The following RNF17 variants were observed in gnomAD, a reference collection of about 807,000 sequenced individuals.
RNF17 encodes ring finger protein 17, also known as spermatogenesis associated 23.
Under a neutral mutation model 200.5 loss-of-function variants are expected in RNF17, and 31 were observed. The ratio of observed to expected loss-of-function variants is 0.15; its 90% CI spans 0.12 to 0.21. The LOEUF (loss-of-function observed/expected upper bound fraction) is 0.21, where lower values mean the gene tolerates loss of function less well. RNF17 is among the 10% of genes least tolerant of loss of function. RNF17 has a pLI of 1.00. For synonymous variants in RNF17, 606 were observed against 637.8 expected (o/e 0.95, Z 0.75); for missense variants, 1,628 against 1,905.1 (o/e 0.85, Z 2.71).
chr13:24,793,230 A>G lies in RNF17; in HGVS notation c.1124A>G (p.Asn375Ser). Residue 375 changes from asparagine to serine, a missense_variant, in exon 10 of 36, where the codon AAC becomes AGC. Physicochemically the swap from Asn to Ser is conservative, Grantham distance 46. Transcript: ENST00000255324. ...ETNDVHLEAK[N>S]FQPQKDVATA... ...AATGATGTACATTTAGAAGCAAAAA[A>G]CTTCCAGCCACAGAAAGACGTTGCA... 1 of 1,614,082 alleles carries G rather than the reference A, an allele frequency of 6.2e-7. No homozygotes were observed. Among genetic ancestry groups the G allele is most frequent in the Admixed American group, 1.7e-5 (1 of 60,002 alleles).
intron 6 of RNF17, among the ~76,000 whole-genome samples, chr13:24,782,208 C>T (rs1882473655): frequency 6.6e-6 from 1 of 152,110 alleles, no homozygotes; most frequent in Non-Finnish European, 1.5e-5. Flanking sequence ...CAGGGTCTTG[C>T]TCTGTTGCCC....
chr13:24,812,171 C>T (rs1190857978), intron 15 of RNF17, among the ~76,000 whole-genome samples: 2 of 146,424 alleles, frequency 1.4e-5, no homozygotes, highest in African/African-American at 4.9e-5. Context: ...GGGCTCCACC[C>T]AGTTCGAGCT....
chr13:24,816,772 A>G (rs1187456777), intron 15 of RNF17, among the ~76,000 whole-genome samples: 1 of 152,224 alleles, frequency 6.6e-6, no homozygotes, highest in Non-Finnish European at 1.5e-5. Context: ...CAGGTCGGAC[A>G]AGAACCACGA....
At chr13:24,791,056 C>A (rs1446828714) in intron 9 of RNF17, among the ~76,000 whole-genome samples, 3 of 152,186 alleles carry the variant, frequency 2.0e-5, no homozygotes, top group Non-Finnish European at 2.9e-5. Flanking sequence ...TTCTGTTGTA[C>A]AGTATAGTTC....
At chr13:24,752,425 G>A in the RNF17 span, among the ~76,000 whole-genome samples, 3 of 152,196 alleles carry the variant, frequency 2.0e-5, no homozygotes, top group Non-Finnish European at 4.4e-5. Flanking sequence ...CCTGTCATTC[G>A]CAGCCACATG....
intron 10 of RNF17, among the ~76,000 whole-genome samples, chr13:24,795,931 G>C (rs1218762968): frequency 1.3e-5 from 2 of 152,080 alleles, no homozygotes; most frequent in Admixed American, 1.3e-4. Context: ...TTGCAGTTCA[G>C]GTTACTAAAG....
At chr13:24,818,435 T>C (rs1483294482) in intron 15 of RNF17, among the ~76,000 whole-genome samples, 1 of 152,190 alleles carries the variant, frequency 6.6e-6, no homozygotes, top group African/African-American at 2.4e-5. Flanking sequence ...TGTTTCCTTA[T>C]TGATACTCTG....
At chr13:24,823,809 A>G (rs1209995991) in intron 15 of RNF17, among the ~76,000 whole-genome samples, 4 of 152,114 alleles carry the variant, frequency 2.6e-5, no homozygotes, top group Non-Finnish European at 5.9e-5. Flanking sequence ...GGTCTATTGT[A>G]TGTTTCTACT....
chr13:24,845,160 T>C (rs1207193495), intron 22 of RNF17, 81 bp downstream of exon 22: 1 of 759,558 alleles, frequency 1.3e-6, no homozygotes, highest in South Asian at 1.8e-5. Context: ...TGCTAAGATA[T>C]TCTGAAATTT....
chr13:24,789,548 C>A, intron 8 of RNF17, 124 bp downstream of exon 8: 1 of 896,030 alleles, frequency 1.1e-6, no homozygotes, highest in Non-Finnish European at 1.8e-6. Context: ...AAGTTAGTAA[C>A]CAAATTAAGA....
In RNF17 at chr13:24,779,791, G is replaced by A. The variant is rs180804394; in HGVS notation, c.510+44G>A. On this transcript the variant is annotated intron_variant, in intron 5 of 35. Coordinates refer to ENST00000255324, the MANE Select transcript of RNF17 (RefSeq NM_031277.3). ...TAAATTCTATCATGAAGTGAAGCAT[G>A]TCCTCTTTAAGTGTGTACATTTGGA... The A allele has an allele frequency of 3.8e-4, 540 of 1,416,826 alleles. 7 individuals carry two copies. In the Admixed American group the frequency reaches 6.7e-3, roughly 18 times the overall value. The allele number at this position is 1,416,826 out of a possible 1,614,324, so 87.8% of individuals were successfully genotyped here.
At chr13:24,831,207 G>A (rs1889340086) in intron 17 of RNF17, among the ~76,000 whole-genome samples, 2 of 144,684 alleles carry the variant, frequency 1.4e-5, no homozygotes, top group Middle Eastern at 3.7e-3. Context: ...TTGGGAGGCC[G>A]AGGCGGGGGG....
chr13:24,877,326 A>G, intron 34 of RNF17, 140 bp downstream of exon 34: 1 of 614,244 alleles, frequency 1.6e-6, no homozygotes, highest in South Asian at 2.4e-5. Flanking sequence ...TTATATGTAT[A>G]GCTTTATATA....
At chr13:24,874,273 T>G in intron 33 of RNF17, 24 bp downstream of exon 33, 4 of 1,536,898 alleles carry the variant, frequency 2.6e-6, no homozygotes, top group Non-Finnish European at 3.5e-6. Flanking sequence ...GTCGGGGTGT[T>G]GAATTAGATT....
intron 35 of RNF17, 78 bp downstream of exon 35, chr13:24,879,373 T>A (rs1483318678): frequency 2.2e-6 from 2 of 918,884 alleles, no homozygotes. Flanking sequence ...AAAGCACCCG[T>A]GGATTTTCCT....
At chr13:24,882,225 T>G (rs1225639916), downstream of RNF17, 1 of 110,690 alleles carries the variant, frequency 9.0e-6, no homozygotes, top group African/African-American at 3.1e-5. Flanking sequence ...TATAGATACA[T>G]CTATATAGAT....
upstream of RNF17, among the ~76,000 whole-genome samples, chr13:24,763,006 A>G (rs967920233): frequency 6.6e-6 from 1 of 152,034 alleles, no homozygotes; most frequent in African/African-American, 2.4e-5. Context: ...CTTCCCTCAC[A>G]TCTACCTTCC....
chr13:24,883,053 CTT>C, downstream of RNF17: 6 of 885,456 alleles, frequency 6.8e-6, no homozygotes, highest in Admixed American at 1.9e-5. Flanking sequence ...ACAGGGTAAA[CTT>C]TTATTTTAGA....
At chr13:24,840,513 A>G (rs1467070514) in intron 18 of RNF17, among the ~76,000 whole-genome samples, 1 of 137,084 alleles carries the variant, frequency 7.3e-6, no homozygotes, top group Non-Finnish European at 1.6e-5. Flanking sequence ...AGAAACTGTG[A>G]TTTATACATA....
Sources: allele counts gnomAD v4.1 joint callset (sites outside exome capture counted in the v4.1 genomes callset), GRCh38; gene constraint gnomAD v4.1.1; transcripts MANE v1.5; gene names NCBI Gene and HGNC (gene_info 2026-07-23, HGNC 2026-07-21).